SUMF1: variants seen among roughly 807,000 people sequenced by gnomAD.
SUMF1 encodes the protein sulfatase modifying factor 1.
In SUMF1, 48 loss-of-function variants were observed where a neutral mutation model predicts 47.6. The observed-to-expected ratio is 1.01, with a 90% CI of 0.80 to 1.28. SUMF1 has a LOEUF of 1.28. Ranked by LOEUF, SUMF1 falls within the 50% of genes most tolerant of loss-of-function variation. SUMF1 has a pLI of 0.00. For synonymous variants in SUMF1, 230 were observed against 192.1 expected (o/e 1.20, Z -1.63); for missense variants, 571 against 485.4 (o/e 1.18, Z -1.66).
At chr3:4,113,698 A>G (rs1186955089) in intron 8 of SUMF1, among the ~76,000 whole-genome samples, 1 of 152,044 alleles carries the variant, frequency 6.6e-6, no homozygotes, top group Non-Finnish European at 1.5e-5. Flanking sequence ...AAGATATGCC[A>G]CTCTTAACAA....
chr3:4,394,036 T>A (rs1700961698), intron 7 of SUMF1, among the ~76,000 whole-genome samples: 1 of 152,194 alleles, frequency 6.6e-6, no homozygotes, highest in Admixed American at 6.5e-5. Flanking sequence ...GACATGTAAA[T>A]GCTGACTGAG....
chr3:4,095,750 T>C (rs1307041207), intron 8 of SUMF1, among the ~76,000 whole-genome samples: 2 of 151,842 alleles, frequency 1.3e-5, no homozygotes, highest in Non-Finnish European at 2.9e-5. Flanking sequence ...ACAAAAAAAA[T>C]GAATATAAAG....
chr3:4,174,987 G>A (rs116363889), intron 8 of SUMF1, among the ~76,000 whole-genome samples: 5,151 of 152,244 alleles, frequency 0.034, 308 homozygotes, highest in African/African-American at 0.12. Context: ...GGGGAGGGGC[G>A]TCTGCCATTG....
At chr3:4,438,180 CT>C (rs538937462) in intron 3 of SUMF1, among the ~76,000 whole-genome samples, 220 of 151,524 alleles carry the variant, frequency 1.5e-3, no homozygotes, top group Admixed American at 3.7e-3. Flanking sequence ...AGCATAAAAA[CT>C]TTTTTCTCAT....
chr3:4,363,451 G>T (rs930062200), intron 8 of SUMF1, among the ~76,000 whole-genome samples: 2 of 151,762 alleles, frequency 1.3e-5, no homozygotes, highest in Non-Finnish European at 1.5e-5. Context: ...CCCTTGTAAG[G>T]TGGATTCCTA....
At chr3:4,129,940 T>C (rs962526810) in intron 8 of SUMF1, among the ~76,000 whole-genome samples, 7 of 152,106 alleles carry the variant, frequency 4.6e-5, no homozygotes, top group African/African-American at 1.7e-4. Flanking sequence ...AACCCCCACA[T>C]TGGCTCCCTG....
chr3:4,170,768 G>C (rs542762419), intron 8 of SUMF1, among the ~76,000 whole-genome samples: 11 of 152,170 alleles, frequency 7.2e-5, no homozygotes, highest in African/African-American at 2.2e-4. Context: ...TGGAACAGTT[G>C]GATATCCATT....
At chr3:4,292,149 T>C (rs1697753730) in intron 8 of SUMF1, among the ~76,000 whole-genome samples, 3 of 152,354 alleles carry the variant, frequency 2.0e-5, no homozygotes, top group Non-Finnish European at 4.4e-5. Flanking sequence ...ATTTATCAAT[T>C]ATTAATTAGC....
At chr3:4,314,080 A>G (rs1421160218) in intron 8 of SUMF1, 6 of 449,266 alleles carry the variant, frequency 1.3e-5, no homozygotes, top group Non-Finnish European at 2.4e-5. Flanking sequence ...GCTGGAATGT[A>G]TACATGATGA....
At chr3:4,228,060 G>A (rs560063126) in intron 8 of SUMF1, among the ~76,000 whole-genome samples, 54 of 151,958 alleles carry the variant, frequency 3.6e-4, no homozygotes, top group Non-Finnish European at 6.0e-4. Flanking sequence ...TTTCCTGCAG[G>A]AACTAAAAGC....
intron 8 of SUMF1, among the ~76,000 whole-genome samples, chr3:4,283,389 A>T (rs747151916): frequency 1.3e-5 from 2 of 152,222 alleles, no homozygotes; most frequent in Non-Finnish European, 2.9e-5. Context: ...CCTTAATGTT[A>T]GCCTGTCTCC....
At chr3:4,236,272 T>C (rs561534769) in intron 8 of SUMF1, among the ~76,000 whole-genome samples, 1 of 152,182 alleles carries the variant, frequency 6.6e-6, no homozygotes, top group African/African-American at 2.4e-5. Context: ...GGATAATAAA[T>C]GTGAGCTAAC....
At chr3:4,177,825 T>C (rs1695000619) in intron 8 of SUMF1, among the ~76,000 whole-genome samples, 3 of 151,168 alleles carry the variant, frequency 2.0e-5, no homozygotes, top group African/African-American at 7.3e-5. Context: ...GAGAGAAGAA[T>C]CAAATAGATG....
rs575958835 is a variant in SUMF1, at chr3:4,176,576, G to GA, written c.1015-107832dup. 7.2e-3 allele frequency among the ~76,000 whole-genome samples: 1,099 copies of GA among 152,212 alleles called. 17 individuals are homozygous for GA. Among genetic ancestry groups the GA allele is most frequent in the Admixed American group, 0.016 (249 of 15,290 alleles). On this transcript the variant is annotated intron_variant and NMD_transcript_variant, in intron 8 of 12. Transcript: ENST00000448413. Reference sequence around the variant, plus strand: ...AAAGGAACAACCAGTACCAGCTACTGAAAAAACAGGCCAAATTGTAAAGAC... The same window carrying GA: ...AAAGGAACAACCAGTACCAGCTACTGAAAAAAACAGGCCAAATTGTAAAGAC...
At chr3:4,043,028 G>C (rs1319319562) in intron 9 of SUMF1, among the ~76,000 whole-genome samples, 3 of 152,130 alleles carry the variant, frequency 2.0e-5, no homozygotes, top group Admixed American at 6.5e-5. Context: ...CTGGCTAATA[G>C]AAAGACCAAA....
At chr3:4,073,613 T>C (rs1230536407) in intron 8 of SUMF1, among the ~76,000 whole-genome samples, 2 of 152,088 alleles carry the variant, frequency 1.3e-5, no homozygotes, top group African/African-American at 2.4e-5. Flanking sequence ...AAGACACATA[T>C]AGGCTCAAAA....
chr3:4,040,635 AG>A (rs1694891387), intron 9 of SUMF1, among the ~76,000 whole-genome samples: 1 of 152,224 alleles, frequency 6.6e-6, no homozygotes, highest in Non-Finnish European at 1.5e-5. Context: ...TAAAACCTAA[AG>A]AAGTGAAGAA....
At chr3:4,227,163 A>T (rs77720464) in intron 8 of SUMF1, among the ~76,000 whole-genome samples, 1 of 152,262 alleles carries the variant, frequency 6.6e-6, no homozygotes, top group South Asian at 2.1e-4. Flanking sequence ...TTCTTTGGGT[A>T]TAACGATATG....
Position 4,076,144 on chromosome 3 carries a change from T to C in SUMF1, c.1015-7399A>G, listed in dbSNP as rs577270642. Among the ~76,000 whole-genome samples the C allele has an allele frequency of 6.5e-4, 99 of 152,004 alleles. 3 individuals are homozygous for C. Among genetic ancestry groups the C allele is most frequent in the Non-Finnish European group, 2.8e-4 (19 of 68,018 alleles). ...CATGGTACTGGTACCAAAACAGATATATAGACCAATGGAACAGAACAGAGG... is the reference window on the plus strand; with the variant it reads ...CATGGTACTGGTACCAAAACAGATACATAGACCAATGGAACAGAACAGAGG... On this transcript the variant is annotated intron_variant and NMD_transcript_variant, in intron 8 of 12. Coordinates refer to the SUMF1 transcript ENST00000448413.
Sources: gnomAD v4.1 joint callset for allele counts (sites outside exome capture counted in the v4.1 genomes callset) on GRCh38, gnomAD v4.1.1 for gene constraint, MANE v1.5 for transcripts, NCBI Gene and HGNC (gene_info 2026-07-23, HGNC 2026-07-21) for gene names.